KALRN: variants seen among roughly 807,000 people sequenced by gnomAD.
KALRN encodes the protein kalirin RhoGEF kinase, also known as kalirin.
Under a neutral mutation model 353.7 loss-of-function variants are expected in KALRN, and 70 were observed. The ratio of observed to expected loss-of-function variants is 0.20; its 90% CI spans 0.16 to 0.24. The LOEUF (loss-of-function observed/expected upper bound fraction) is 0.24. Among genes scored for constraint, KALRN ranks in the 10% least tolerant of loss-of-function variants. KALRN has a pLI of 1.00. For missense variants in KALRN, 2,791 were observed against 3,756.7 expected (o/e 0.74, Z 6.72); for synonymous variants, 1,391 against 1,434.8 (o/e 0.97, Z 0.69).
At chr3:124,188,662 C>G (rs947868074) in intron 1 of KALRN, among the ~76,000 whole-genome samples, 2 of 152,108 alleles carry the variant, frequency 1.3e-5, no homozygotes, top group African/African-American at 2.4e-5. Context: ...CATGTATACT[C>G]TATTACCTGA....
chr3:124,442,029 C>T lies in KALRN; in HGVS notation c.3283C>T (p.His1095Tyr). The T allele has an allele frequency of 1.2e-6, 2 of 1,606,572 alleles. No individual in the cohort carries two copies. Among genetic ancestry groups the T allele is most frequent in the Non-Finnish European group, 1.7e-6 (2 of 1,174,620 alleles). ...CGTCAGCATGCCCAGTGTCGCCAGC[C>T]ACACTCGGGGACCCGAGCAACAAGT... ...NNVSMPSVAS[H>Y]TRGPEQQVKA... The change falls in exon 19 of 60, where the codon CAC (histidine) becomes TAC (tyrosine). Residue 1095 changes from histidine (H) to tyrosine (Y), a missense_variant. Around this residue, in one of 11 missense-constraint regions of KALRN, gnomAD observed 268 missense variants for 347.0 expected, o/e 0.77. Coordinates refer to ENST00000682506, the MANE Select transcript of KALRN (RefSeq NM_001388419.1).
At chr3:124,279,477 G>C (rs2075122666) in intron 5 of KALRN, among the ~76,000 whole-genome samples, 1 of 152,142 alleles carries the variant, frequency 6.6e-6, no homozygotes. Context: ...GGGCATGCAT[G>C]GGGAATACAG....
intron 44 of KALRN, 31 bp from the exon 45 acceptor site, chr3:124,661,820 C>T (rs767860986): frequency 1.3e-6 from 2 of 1,577,130 alleles, no homozygotes; most frequent in South Asian, 2.2e-5. Context: ...TGCTGTTCCC[C>T]CTCCTGAGTA....
chr3:124,513,515 G>A (rs1328196674), intron 33 of KALRN, among the ~76,000 whole-genome samples: 1 of 152,122 alleles, frequency 6.6e-6, no homozygotes, highest in Non-Finnish European at 1.5e-5. Context: ...GGTCAAGACA[G>A]CTCCCCCGAA....
At chr3:124,127,405 A>G (rs953059639) in intron 1 of KALRN, among the ~76,000 whole-genome samples, 1 of 152,116 alleles carries the variant, frequency 6.6e-6, no homozygotes, top group African/African-American at 2.4e-5. Context: ...TCTGGACCCT[A>G]CACTCCAATA....
chr3:124,576,042 A>C (rs1188196179), intron 34 of KALRN, among the ~76,000 whole-genome samples: 1 of 151,696 alleles, frequency 6.6e-6, no homozygotes, highest in Non-Finnish European at 1.5e-5. Context: ...TCAGGGCCTG[A>C]TCTTTTGTTC....
chr3:124,655,438 C>T (rs1357710524), intron 38 of KALRN, among the ~76,000 whole-genome samples, 163 bp from the exon 39 acceptor site: 1 of 152,186 alleles, frequency 6.6e-6, no homozygotes, highest in African/African-American at 2.4e-5. Context: ...AGTAGGGCCT[C>T]CTCTAGGGAA....
intron 1 of KALRN, among the ~76,000 whole-genome samples, chr3:124,107,798 T>C (rs914962945): frequency 6.6e-6 from 1 of 152,140 alleles, no homozygotes; most frequent in African/African-American, 2.4e-5. Context: ...TCATTAGGTA[T>C]GGAAGGAGGT....
At chr3:124,160,640 TG>T (rs1208874544) in intron 1 of KALRN, among the ~76,000 whole-genome samples, 1 of 150,014 alleles carries the variant, frequency 6.7e-6, no homozygotes, top group African/African-American at 2.5e-5. Flanking sequence ...AGGCAGAGGG[TG>T]GGGTAAGAGA....
intron 1 of KALRN, among the ~76,000 whole-genome samples, chr3:124,091,499 T>C (rs1476836615): frequency 2.6e-5 from 4 of 152,134 alleles, no homozygotes; most frequent in Non-Finnish European, 5.9e-5. Context: ...CTTTATCTGA[T>C]TGGGAACACA....
chr3:124,588,969 C>T (rs2149339912), intron 34 of KALRN, among the ~76,000 whole-genome samples: 1 of 152,272 alleles, frequency 6.6e-6, no homozygotes, highest in Non-Finnish European at 1.5e-5. Flanking sequence ...TGGGACTTAC[C>T]CAAACTGAAT....
chr3:124,603,647 G>A, intron 34 of KALRN, among the ~76,000 whole-genome samples: 1 of 152,132 alleles, frequency 6.6e-6, no homozygotes. Context: ...TTGAAATGGA[G>A]CATCTCTCCC....
intron 1 of KALRN, among the ~76,000 whole-genome samples, chr3:124,093,600 G>A (rs547198052): frequency 6.6e-6 from 1 of 152,306 alleles, no homozygotes; most frequent in Non-Finnish European, 1.5e-5. Context: ...TTTTCTCCTT[G>A]CCTTGAAAAT....
chr3:124,472,519 G>A (rs999902881), intron 25 of KALRN, among the ~76,000 whole-genome samples: 4 of 151,672 alleles, frequency 2.6e-5, no homozygotes, highest in Non-Finnish European at 4.4e-5. Flanking sequence ...GCAAGACCTC[G>A]TCTCTATTAT....
intron 34 of KALRN, among the ~76,000 whole-genome samples, chr3:124,623,908 G>A (rs2079618775): frequency 6.6e-6 from 1 of 152,170 alleles, no homozygotes. Flanking sequence ...TCTGATTTTT[G>A]TCTTCAGTTG....
rs747654215 is a variant in KALRN, at chr3:124,347,104, G to T, written c.1648-39G>T. The T allele has an allele frequency of 4.3e-6, 7 of 1,612,822 alleles. No homozygotes were observed. In the South Asian group the frequency reaches 7.7e-5, roughly 18 times the overall value. On this transcript the variant is annotated intron_variant, in intron 9 of 59. Transcript: ENST00000682506. ...CATGTTGTCACATGTCTTTCCTTCT[G>T]CTAGAAAGTCATTGTTGCTGTTATC...
chr3:124,110,469 G>GCACACA lies in KALRN; in HGVS notation c.73+76679_73+76684dup, dbSNP rs1553768422. 7.7e-3 allele frequency among the ~76,000 whole-genome samples: 1,036 copies of GCACACA among 134,040 alleles called. 30 individuals carry two copies. Among genetic ancestry groups the GCACACA allele is most frequent in the African/African-American group, 0.021 (699 of 33,372 alleles). 87.9% of individuals were successfully genotyped at this position (134,040 alleles called of 152,430 possible). Reference sequence around the variant, plus strand: ...ATATATTTCATATATACACACGCGCGCACACACACACACACACACACACAC... The same window carrying GCACACA: ...ATATATTTCATATATACACACGCGCGCACACACACACACACACACACACACACACAC... On this transcript the variant is annotated intron_variant, in intron 1 of 59. Transcript: ENST00000682506.
At chr3:124,206,245 C>T (rs2076399125) in intron 1 of KALRN, among the ~76,000 whole-genome samples, 1 of 152,178 alleles carries the variant, frequency 6.6e-6, no homozygotes, top group South Asian at 2.1e-4. Flanking sequence ...AGTAGCTTTG[C>T]TCATAGGGCC....
chr3:124,192,349 A>G (rs2075010413), intron 1 of KALRN, among the ~76,000 whole-genome samples: 1 of 152,142 alleles, frequency 6.6e-6, no homozygotes, highest in Admixed American at 6.5e-5. Flanking sequence ...GAACATAGAG[A>G]GTACAAGGAT....
Sources: gnomAD v4.1 joint callset for allele counts (sites outside exome capture counted in the v4.1 genomes callset) on GRCh38, gnomAD v4.1.1 for gene constraint, gnomAD v4.1.1 regional missense constraint, MANE v1.5 for transcripts, NCBI Gene and HGNC (gene_info 2026-07-23, HGNC 2026-07-21) for gene names.